CLPB: variants seen among roughly 807,000 people sequenced by gnomAD.
The protein encoded by CLPB is mitochondrial disaggregase.
Under a neutral mutation model 78.4 loss-of-function variants are expected in CLPB, and 40 were observed. That is an observed-to-expected ratio of 0.51 (90% CI 0.40 to 0.66). The LOEUF is 0.66. Among genes scored for constraint, CLPB ranks in the 30% least tolerant of loss-of-function variants. The pLI, the probability that CLPB is intolerant of heterozygous loss-of-function variation, is 0.00. For synonymous variants in CLPB, 333 were observed against 348.0 expected (o/e 0.96, Z 0.48); for missense variants, 780 against 886.9 (o/e 0.88, Z 1.53).
chr11:72,397,556 T>A (rs1855443670), intron 3 of CLPB, among the ~76,000 whole-genome samples: 1 of 152,214 alleles, frequency 6.6e-6, no homozygotes. Context: ...TCCTAAATTT[T>A]AGCTACTGTA....
chr11:72,387,039 T>C (rs1855098814), intron 3 of CLPB, among the ~76,000 whole-genome samples: 1 of 152,176 alleles, frequency 6.6e-6, no homozygotes, highest in South Asian at 2.1e-4. Context: ...GCACAGAAAT[T>C]AAGAAAACTG....
intron 5 of CLPB, 32 bp from the exon 6 acceptor site, chr11:72,329,836 T>G: frequency 3.2e-6 from 5 of 1,554,704 alleles, no homozygotes; most frequent in Non-Finnish European, 4.4e-6. Flanking sequence ...ACAGAGGCTC[T>G]ATGAACGATC....
intron 7 of CLPB, 139 bp from the exon 8 acceptor site, chr11:72,308,743 C>T: frequency 1.3e-6 from 1 of 745,662 alleles, no homozygotes; most frequent in Non-Finnish European, 2.3e-6. Flanking sequence ...ACCATTAGTG[C>T]TGCCTAATCT....
intron 5 of CLPB, among the ~76,000 whole-genome samples, chr11:72,331,516 C>T (rs1024681318): frequency 1.3e-5 from 2 of 150,940 alleles, no homozygotes; most frequent in East Asian, 2.0e-4. Flanking sequence ...GCTGGGATTA[C>T]AGGCGTGGGC....
intron 4 of CLPB, among the ~76,000 whole-genome samples, chr11:72,376,345 G>A (rs918778852): frequency 1.1e-4 from 17 of 152,042 alleles, no homozygotes; most frequent in African/African-American, 2.9e-4. Context: ...TTCCTTAAAC[G>A]GAAAAAGGAA....
rs543967175 is a variant in CLPB, at chr11:72,373,909, G to A, written c.646+6372C>T. On this transcript the variant is annotated intron_variant, in intron 4 of 15. Coordinates refer to ENST00000538039, the MANE Select transcript of CLPB (RefSeq NM_001258392.3). ...CAGGAGGCAGAGGTTGCAGTGAGCC[G>A]AGATCATGTCATTGCACTCCAGTCT... Among the ~76,000 whole-genome samples the A allele has an allele frequency of 5.5e-5, 8 of 145,552 alleles. No homozygotes were observed. The South Asian group carries it at 1.1e-3, about 20-fold the overall frequency.
chr11:72,406,455 C>G (rs1320606618), intron 2 of CLPB, among the ~76,000 whole-genome samples: 1 of 152,224 alleles, frequency 6.6e-6, no homozygotes, highest in Non-Finnish European at 1.5e-5. Flanking sequence ...GAATTCTGAT[C>G]TAGCTAGATA....
chr11:72,419,346 C>T (rs773687686), intron 2 of CLPB, among the ~76,000 whole-genome samples: 3 of 152,210 alleles, frequency 2.0e-5, no homozygotes, highest in Non-Finnish European at 2.9e-5. Context: ...TGAGCGATTA[C>T]AGCTTTGTGG....
At chr11:72,336,987 T>A (rs1950333804) in intron 5 of CLPB, 2 of 398,462 alleles carry the variant, frequency 5.0e-6, no homozygotes, top group Admixed American at 8.8e-5. Flanking sequence ...GGGCTCCTAG[T>A]GTCCTCCCTA....
chr11:72,306,233 C>A (rs1000428845), intron 9 of CLPB, among the ~76,000 whole-genome samples: 6 of 152,180 alleles, frequency 3.9e-5, no homozygotes, highest in Non-Finnish European at 8.8e-5. Flanking sequence ...CAGGAGGACA[C>A]AATCTGAGCT....
intron 2 of CLPB, among the ~76,000 whole-genome samples, chr11:72,419,957 A>G (rs1439211094): frequency 6.6e-6 from 1 of 152,256 alleles, no homozygotes; most frequent in African/African-American, 2.4e-5. Flanking sequence ...TGTTTAATGA[A>G]TAAACGATTG....
chr11:72,324,883 TC>T (rs1367504509), intron 6 of CLPB, among the ~76,000 whole-genome samples: 2 of 152,140 alleles, frequency 1.3e-5, no homozygotes, highest in Non-Finnish European at 2.9e-5. Flanking sequence ...GAGCATCACA[TC>T]CCCAGCTACC....
chr11:72,410,391 G>A (rs565628991), intron 2 of CLPB, among the ~76,000 whole-genome samples: 1 of 152,166 alleles, frequency 6.6e-6, no homozygotes, highest in East Asian at 1.9e-4. Context: ...AAAAAATGGA[G>A]AACACCTCAC....
rs1950615369 is a variant in CLPB at position 72,351,636 on chromosome 11, ATCTTGGC to A, written c.775+7237_775+7243del. 2.0e-5 allele frequency among the ~76,000 whole-genome samples: 3 copies of A among 152,244 alleles called. No homozygotes were observed. The South Asian group carries it at 6.2e-4, about 32-fold the overall frequency. The stretch of plus-strand genomic sequence containing the variant: ...GCCCAGGCTGGAGTGCAATGGCATG[ATCTTGGC>A]TCACTGCAACCTCCACCTCTCAGGT... On this transcript the variant is annotated intron_variant, in intron 5 of 15. Transcript: ENST00000538039.
rs1266941330 is a variant in CLPB at position 72,290,533 on chromosome 11, A to C, written c.*2834T>G. On this transcript the variant is annotated 3_prime_UTR_variant, in exon 16 of 16. Coordinates refer to ENST00000538039, the MANE Select transcript of CLPB (RefSeq NM_001258392.3). The stretch of plus-strand genomic sequence containing the variant: ...ATGAAAATCAGTAGGCAAAATTTTA[A>C]GAATAAGACATTCACATAGCTTCAA... 1 of 152,206 alleles carries C rather than the reference A, an allele frequency of 6.6e-6. No individual in the cohort carries two copies. Among genetic ancestry groups the C allele is most frequent in the Non-Finnish European group, 1.5e-5 (1 of 68,036 alleles). 9.4% of individuals were successfully genotyped at this position (152,206 alleles called of 1,614,324 possible).
At chr11:72,346,256 T>C (rs1950511271) in intron 5 of CLPB, among the ~76,000 whole-genome samples, 1 of 152,156 alleles carries the variant, frequency 6.6e-6, no homozygotes, top group African/African-American at 2.4e-5. Context: ...ATGCTGTTTC[T>C]TAAAAGCAAA....
intron 3 of CLPB, among the ~76,000 whole-genome samples, chr11:72,393,208 T>C (rs558514582): frequency 1.3e-5 from 2 of 152,338 alleles, no homozygotes; most frequent in Non-Finnish European, 2.9e-5. Context: ...TTGTGGTTCA[T>C]AATATATGGT....
In CLPB at chr11:72,290,473, A is replaced by G. The variant is rs1949438015; in HGVS notation, c.*2894T>C. 6.6e-6 allele frequency: 1 copy of G among 152,260 alleles called. No individual in the cohort carries two copies. 9.4% of individuals were successfully genotyped at this position (152,260 alleles called of 1,614,324 possible). A position where few individuals can be genotyped will look rare whatever the true frequency, so the allele number is the denominator to read the frequency against. On this transcript the variant is annotated 3_prime_UTR_variant, in exon 16 of 16. Transcript: ENST00000538039. The stretch of plus-strand genomic sequence containing the variant: ...TCACCATTAGGCAAGCATAACATTA[A>G]TACCTGTTATAAGCAAGAATCATTG...
At chr11:72,426,586 A>T (rs1322350324) in intron 2 of CLPB, among the ~76,000 whole-genome samples, 5 of 152,078 alleles carry the variant, frequency 3.3e-5, no homozygotes. Context: ...AAGAGAAGAG[A>T]CCTGGCCTCC....
Sources: allele counts gnomAD v4.1 joint callset (sites outside exome capture counted in the v4.1 genomes callset), GRCh38; gene constraint gnomAD v4.1.1; transcripts MANE v1.5; gene names NCBI Gene and HGNC (gene_info 2026-07-23, HGNC 2026-07-21).